Variants in XYLT1 observed in about 807,000 individuals in gnomAD.
XYLT1 encodes xylosyltransferase 1.
Under a neutral mutation model 91.3 loss-of-function variants are expected in XYLT1, and 36 were observed. The ratio of observed to expected loss-of-function variants is 0.39; its 90% CI spans 0.30 to 0.52. The LOEUF is 0.52. XYLT1 is among the 20% of genes least tolerant of loss of function. The pLI is 0.68. For synonymous variants in XYLT1, 588 were observed against 532.0 expected (o/e 1.11, Z -1.45); for missense variants, 1,242 against 1,284.5 (o/e 0.97, Z 0.51).
chr16:17,158,820 A>T lies in XYLT1; in HGVS notation c.1370+9T>A. 1 of 1,613,884 alleles carries T rather than the reference A, an allele frequency of 6.2e-7. No homozygotes were observed. The highest frequency in any genetic ancestry group is 8.5e-7 in the Non-Finnish European group (1 of 1,179,830). Reference sequence around the variant, plus strand: ...CCATTTTGTACAGGGGTAGGGGTTGAGGTGCTACCTTGCATTGTCCCGGCC... The same window carrying T: ...CCATTTTGTACAGGGGTAGGGGTTGTGGTGCTACCTTGCATTGTCCCGGCC... On this transcript the variant is annotated intron_variant, in intron 6 of 11. Transcript: ENST00000261381.
intron 3 of XYLT1, among the ~76,000 whole-genome samples, chr16:17,231,121 T>C (rs940356855): frequency 3.3e-5 from 5 of 152,228 alleles, no homozygotes; most frequent in Non-Finnish European, 5.9e-5. Flanking sequence ...TTCTTGGAGA[T>C]TTCCAATGTG....
At chr16:17,153,661 G>A (rs370883333) in intron 6 of XYLT1, among the ~76,000 whole-genome samples, 3 of 152,114 alleles carry the variant, frequency 2.0e-5, no homozygotes, top group Non-Finnish European at 4.4e-5. Context: ...GTCATGGTTG[G>A]AGCAGCTAAT....
At chr16:17,165,993 A>G (rs1240830010) in intron 5 of XYLT1, among the ~76,000 whole-genome samples, 1 of 152,224 alleles carries the variant, frequency 6.6e-6, no homozygotes, top group Non-Finnish European at 1.5e-5. Flanking sequence ...TGCCAGGAGC[A>G]TGGGGAGGAA....
chr16:17,234,419 A>G (rs951177278), intron 3 of XYLT1, among the ~76,000 whole-genome samples: 1 of 152,192 alleles, frequency 6.6e-6, no homozygotes, highest in Non-Finnish European at 1.5e-5. Context: ...CTAAGTCTTG[A>G]GATACTAAGT....
chr16:17,176,963 G>A (rs2031959056), intron 5 of XYLT1, among the ~76,000 whole-genome samples: 1 of 151,896 alleles, frequency 6.6e-6, no homozygotes, highest in African/African-American at 2.4e-5. Flanking sequence ...GATAAGCTTG[G>A]ACTCCTTAAC....
chr16:17,382,304 C>T (rs773712687), intron 1 of XYLT1, among the ~76,000 whole-genome samples: 1 of 151,870 alleles, frequency 6.6e-6, no homozygotes, highest in South Asian at 2.1e-4. Context: ...ATTTTAAGGT[C>T]CCAGGAATTG....
intron 3 of XYLT1, among the ~76,000 whole-genome samples, chr16:17,239,848 T>TCCATCCATTAATTGACTCATC (rs2033318880): frequency 6.6e-6 from 1 of 152,198 alleles, no homozygotes; most frequent in South Asian, 2.1e-4. Context: ...TATCTTTTTA[T>TCCATCCATTAATTGACTCATC]CCATCCATTA....
At chr16:17,115,080 G>A (rs900772118) in intron 11 of XYLT1, among the ~76,000 whole-genome samples, 32 of 152,020 alleles carry the variant, frequency 2.1e-4, no homozygotes, top group African/African-American at 7.2e-4. Flanking sequence ...TCCTGACATC[G>A]TGATCCACCC....
chr16:17,303,769 T>C (rs2034431818), intron 2 of XYLT1, among the ~76,000 whole-genome samples: 1 of 152,240 alleles, frequency 6.6e-6, no homozygotes, highest in Admixed American at 6.5e-5. Context: ...AGTTGATCAA[T>C]GGGACCTCAA....
chr16:17,343,807 G>A (rs1031317988), intron 2 of XYLT1, among the ~76,000 whole-genome samples: 4 of 152,114 alleles, frequency 2.6e-5, no homozygotes, highest in South Asian at 2.1e-4. Context: ...TCAAGAGAGC[G>A]TTCTTCCGTA....
At chr16:17,369,052 TAA>T (rs61242096) in intron 1 of XYLT1, among the ~76,000 whole-genome samples, 3 of 143,148 alleles carry the variant, frequency 2.1e-5, no homozygotes, top group Non-Finnish European at 1.5e-5. Flanking sequence ...CAGAGAGGTT[TAA>T]AAAAAAAAAG....
chr16:17,116,670 T>A (rs1183673804), intron 11 of XYLT1, among the ~76,000 whole-genome samples: 1 of 152,168 alleles, frequency 6.6e-6, no homozygotes, highest in African/African-American at 2.4e-5. Context: ...TACCTTGGGG[T>A]CAGACGTCTG....
At chr16:17,244,866 C>G (rs1257747223) in intron 3 of XYLT1, among the ~76,000 whole-genome samples, 2 of 152,136 alleles carry the variant, frequency 1.3e-5, no homozygotes, top group Admixed American at 6.5e-5. Flanking sequence ...TAGCTCCAGG[C>G]AAGGAAACAG....
At chr16:17,172,251 G>A (rs954632683) in intron 5 of XYLT1, among the ~76,000 whole-genome samples, 1 of 136,096 alleles carries the variant, frequency 7.3e-6, no homozygotes, top group Non-Finnish European at 1.6e-5. Context: ...CTTTTCCTTT[G>A]TCCTTTTCTT....
intron 2 of XYLT1, among the ~76,000 whole-genome samples, chr16:17,314,338 C>T (rs889324508): frequency 1.3e-5 from 2 of 152,166 alleles, no homozygotes; most frequent in African/African-American, 2.4e-5. Context: ...TGGGGTGCTG[C>T]AGAGAGGGAG....
intron 1 of XYLT1, among the ~76,000 whole-genome samples, chr16:17,375,979 G>T (rs1479493061): frequency 6.6e-6 from 1 of 152,252 alleles, no homozygotes; most frequent in Non-Finnish European, 1.5e-5. Context: ...ATTAATCACT[G>T]AGTGTGTTTG....
chr16:17,106,938 G>A lies in XYLT1; in HGVS notation c.*1757C>T, dbSNP rs936488458. ...TTTACTCTGAGGATGAGGAGGATGG[G>A]GGGTAGACGCAGAGAAAGAGAAACC... is the stretch of plus-strand genomic sequence containing the variant. On this transcript the variant is annotated 3_prime_UTR_variant, in exon 12 of 12. Transcript: ENST00000261381. 2 of 152,098 alleles carry A rather than the reference G, an allele frequency of 1.3e-5. No individual in the cohort carries two copies. Among genetic ancestry groups the A allele is most frequent in the African/African-American group, 4.8e-5 (2 of 41,382 alleles). The allele number at this position is 152,098 out of a possible 1,614,324, so 9.4% of individuals were successfully genotyped here. A position where few individuals can be genotyped will look rare whatever the true frequency, so the allele number is the denominator to read the frequency against.
chr16:17,138,805 A>T, intron 7 of XYLT1: 1 of 349,126 alleles, frequency 2.9e-6, no homozygotes, highest in African/African-American at 2.0e-5. Flanking sequence ...AGGGACTCTT[A>T]TGTTCTCTGC....
At chr16:17,166,723 T>C (rs1041371706) in intron 5 of XYLT1, among the ~76,000 whole-genome samples, 6 of 151,664 alleles carry the variant, frequency 4.0e-5, no homozygotes, top group African/African-American at 1.2e-4. Flanking sequence ...GGTTTCGTCA[T>C]GTTGGCCAGG....
Sources: allele counts gnomAD v4.1 joint callset (sites outside exome capture counted in the v4.1 genomes callset), GRCh38; gene constraint gnomAD v4.1.1; transcripts MANE v1.5; gene names NCBI Gene and HGNC (gene_info 2026-07-23, HGNC 2026-07-21).